The following AMPH variants were observed in gnomAD, a reference collection of about 807,000 sequenced individuals.
AMPH encodes the protein amphiphysin (Stiff-Mann syndrome with breast cancer 128kD autoantigen).
In AMPH, 49 loss-of-function variants were observed where a neutral mutation model predicts 99.1. The ratio of observed to expected loss-of-function variants is 0.49; its 90% CI spans 0.39 to 0.63. The LOEUF (loss-of-function observed/expected upper bound fraction) is 0.63. Among genes scored for constraint, AMPH ranks in the 20% least tolerant of loss-of-function variants. The pLI is 0.00. For synonymous variants in AMPH, 314 were observed against 317.3 expected, an observed-to-expected ratio of 0.99 and a Z score of 0.11; for missense variants, 759 against 863.4, an observed-to-expected ratio of 0.88 and a Z score of 1.52.
chr7:38,466,146 T>C (rs1389612241), intron 8 of AMPH, 27 bp downstream of exon 8: 3 of 1,566,578 alleles, frequency 1.9e-6, no homozygotes, highest in Non-Finnish European at 2.6e-6. Context: ...TTATATTCCA[T>C]ATGCAAAAAT....
intron 1 of AMPH, among the ~76,000 whole-genome samples, chr7:38,594,381 C>A (rs751341333): frequency 5.5e-4 from 84 of 152,166 alleles, no homozygotes; most frequent in Non-Finnish European, 1.8e-4. Flanking sequence ...CCTCCTAACC[C>A]TAGATACCAG....
chr7:38,495,925 G>A (rs571948205), intron 3 of AMPH, among the ~76,000 whole-genome samples: 7 of 152,168 alleles, frequency 4.6e-5, no homozygotes, highest in Non-Finnish European at 8.8e-5. Context: ...GAAAAGCCAC[G>A]AAGACAGCTC....
Position 38,490,568 on chromosome 7 carries a change from C to T in AMPH, c.396+482G>A, listed in dbSNP as rs573535679. 1.1e-3 allele frequency among the ~76,000 whole-genome samples: 175 copies of T among 152,176 alleles called. No individual in the cohort carries two copies. The Middle Eastern group carries it at 0.02, about 18-fold the overall frequency. ...TATATCTTAACACTTTAACTTCAAC[C>T]TGAAAATTTCAGTGAGAGAAAAACT... is the stretch of plus-strand genomic sequence containing the variant. On this transcript the variant is annotated intron_variant, in intron 5 of 20. Coordinates refer to ENST00000356264, the MANE Select transcript of AMPH (RefSeq NM_001635.4).
At chr7:38,563,646 A>G (rs968921192) in intron 1 of AMPH, among the ~76,000 whole-genome samples, 1 of 152,234 alleles carries the variant, frequency 6.6e-6, no homozygotes, top group Non-Finnish European at 1.5e-5. Flanking sequence ...TACCTTGAGA[A>G]GAGCAATAAT....
chr7:38,442,914 A>G (rs1786610695), intron 11 of AMPH, among the ~76,000 whole-genome samples: 1 of 152,060 alleles, frequency 6.6e-6, no homozygotes, highest in Admixed American at 6.6e-5. Context: ...GAGAATCAAT[A>G]AGACCACAGG....
intron 1 of AMPH, among the ~76,000 whole-genome samples, chr7:38,569,171 T>G (rs987706075): frequency 3.3e-5 from 5 of 152,064 alleles, no homozygotes; most frequent in Admixed American, 6.6e-5. Context: ...CATATGAAAG[T>G]TGAGAAATAA....
chr7:38,614,367 C>G (rs1473351837), intron 1 of AMPH, among the ~76,000 whole-genome samples: 1 of 151,904 alleles, frequency 6.6e-6, no homozygotes, highest in Admixed American at 6.5e-5. Flanking sequence ...CTGGAAAGCT[C>G]TGGAAAAGCA....
chr7:38,429,813 A>T (rs747032401), intron 14 of AMPH, 29 bp downstream of exon 14: 3 of 1,597,746 alleles, frequency 1.9e-6, no homozygotes, highest in Non-Finnish European at 8.5e-7. Context: ...ATACCAAAAA[A>T]ATCCAGAATG....
At chr7:38,609,010 CCAAAG>C (rs1392906878) in intron 1 of AMPH, among the ~76,000 whole-genome samples, 1 of 152,078 alleles carries the variant, frequency 6.6e-6, no homozygotes, top group Non-Finnish European at 1.5e-5. Flanking sequence ...ATATTTTAAG[CCAAAG>C]CAAAGCTTTG....
chr7:38,628,793 G>A (rs1254952945), intron 1 of AMPH, among the ~76,000 whole-genome samples: 1 of 151,984 alleles, frequency 6.6e-6, no homozygotes, highest in African/African-American at 2.4e-5. Flanking sequence ...TCAGCCTTGT[G>A]GTTTTTTTCT....
chr7:38,497,299 C>A (rs1206687552), intron 3 of AMPH, among the ~76,000 whole-genome samples: 1 of 152,108 alleles, frequency 6.6e-6, no homozygotes, highest in Non-Finnish European at 1.5e-5. Context: ...AATGCTACCT[C>A]CGAGATTGAA....
chr7:38,571,291 T>TC lies in AMPH; in HGVS notation c.70-36281_70-36280insG, dbSNP rs1191884446. Among the ~76,000 whole-genome samples, 363 of 47,114 alleles carry TC rather than the reference T, an allele frequency of 7.7e-3. 10 individuals are homozygous for TC. The highest frequency in any genetic ancestry group is 0.01 in the Non-Finnish European group (303 of 29,086). 30.9% of individuals were successfully genotyped at this position (47,114 alleles called of 152,430 possible). The stretch of plus-strand genomic sequence containing the variant: ...TTTATATATATATTTTTATATATAT[T>TC]TATATATGAATATATATATTTATAT... On this transcript the variant is annotated intron_variant, in intron 1 of 20. Coordinates refer to ENST00000356264, the MANE Select transcript of AMPH (RefSeq NM_001635.4).
intron 1 of AMPH, among the ~76,000 whole-genome samples, chr7:38,569,129 C>T (rs751302567): frequency 1.3e-5 from 2 of 152,006 alleles, no homozygotes; most frequent in Non-Finnish European, 2.9e-5. Context: ...ATCCAACCCT[C>T]ATCTATTTTT....
At chr7:38,554,489 TA>T (rs949405913) in intron 1 of AMPH, among the ~76,000 whole-genome samples, 3 of 152,086 alleles carry the variant, frequency 2.0e-5, no homozygotes, top group Admixed American at 6.6e-5. Flanking sequence ...AAATATGCTT[TA>T]AAAAAAATCA....
At chr7:38,510,170 C>T (rs1789485620) in intron 2 of AMPH, among the ~76,000 whole-genome samples, 1 of 152,078 alleles carries the variant, frequency 6.6e-6, no homozygotes, top group East Asian at 1.9e-4. Flanking sequence ...GGTGCAGTTT[C>T]CCCCCGTGGC....
At chr7:38,435,220 A>T (rs978431552) in intron 12 of AMPH, among the ~76,000 whole-genome samples, 10 of 152,308 alleles carry the variant, frequency 6.6e-5, no homozygotes, top group Middle Eastern at 3.4e-3. Context: ...CACCTTGGAC[A>T]TTTATTGTTC....
intron 4 of AMPH, among the ~76,000 whole-genome samples, chr7:38,493,416 C>T (rs367744665): frequency 4.6e-5 from 7 of 152,254 alleles, no homozygotes; most frequent in Admixed American, 3.3e-4. Context: ...AGGTAGAGGA[C>T]ATCCACACAA....
chr7:38,480,422 C>G (rs1464341279), intron 5 of AMPH, among the ~76,000 whole-genome samples: 5 of 152,096 alleles, frequency 3.3e-5, no homozygotes, highest in Non-Finnish European at 4.4e-5. Flanking sequence ...AATCTCATCC[C>G]TGCTTCTCAG....
At chr7:38,624,595 A>G (rs1794181776) in intron 1 of AMPH, among the ~76,000 whole-genome samples, 1 of 151,844 alleles carries the variant, frequency 6.6e-6, no homozygotes, top group African/African-American at 2.4e-5. Context: ...TGATTTAAAT[A>G]TTGTATAGAG....
Sources: allele counts gnomAD v4.1 joint callset (sites outside exome capture counted in the v4.1 genomes callset), GRCh38; gene constraint gnomAD v4.1.1; transcripts MANE v1.5; gene names NCBI Gene and HGNC (gene_info 2026-07-23, HGNC 2026-07-21).